Variants in SGCD observed in about 807,000 individuals in gnomAD.
The protein encoded by SGCD is delta-sarcoglycan.
A neutral mutation model predicts 36.6 loss-of-function variants in SGCD; 18 were observed. The ratio of observed to expected loss-of-function variants is 0.49; its 90% CI spans 0.34 to 0.73. The LOEUF is 0.73. Among genes scored for constraint, SGCD ranks in the 30% least tolerant of loss-of-function variants. The pLI, the probability that SGCD is intolerant of heterozygous loss-of-function variation, is 0.01. For missense variants in SGCD, 387 were observed against 346.7 expected (o/e 1.12, Z -0.92); for synonymous variants, 133 against 130.6 (o/e 1.02, Z -0.12).
intron 6 of SGCD, among the ~76,000 whole-genome samples, chr5:156,607,423 T>C (rs938111265): frequency 7.9e-5 from 12 of 152,218 alleles, no homozygotes; most frequent in African/African-American, 2.9e-4. Flanking sequence ...ATAAGCTTTT[T>C]GATGTGCTGC....
rs1230716366 is a variant in SGCD, at chr5:156,344,621, A to G, written c.136A>G (p.Ile46Val). Residue 46 changes from isoleucine to valine, a missense_variant, in exon 3 of 9, where the codon ATA becomes GTA. By Grantham distance (29) the Ile-to-Val change is conservative. Coordinates refer to ENST00000337851, the MANE Select transcript of SGCD (RefSeq NM_000337.6). ...CTTTGTCCTGCTCCTCATGATTTTA[A>G]TACTGGTGAACTTGGCCATGACCAT... ...YFFVLLLMILILVNLAMTIWI... is the reference protein window; with the variant it reads ...YFFVLLLMILVLVNLAMTIWI... 3 of 1,611,960 alleles carry G rather than the reference A, an allele frequency of 1.9e-6. No homozygotes were observed. The African/African-American group carries it at 4.0e-5, about 22-fold the overall frequency.
At chr5:156,069,307 G>A (rs1388232942) in intron 1 of SGCD, among the ~76,000 whole-genome samples, 3 of 152,104 alleles carry the variant, frequency 2.0e-5, no homozygotes, top group African/African-American at 7.3e-5. Flanking sequence ...TGTATAAGGT[G>A]TAGGGAAGGG....
intron 3 of SGCD, among the ~76,000 whole-genome samples, chr5:156,227,424 T>C (rs867233309): frequency 9.9e-5 from 15 of 152,164 alleles, no homozygotes; most frequent in African/African-American, 3.6e-4. Context: ...TATTTGGGTT[T>C]ATTTCTGGGT....
chr5:155,954,905 C>T (rs1287297591), intron 1 of SGCD, among the ~76,000 whole-genome samples: 1 of 152,106 alleles, frequency 6.6e-6, no homozygotes, highest in Non-Finnish European at 1.5e-5. Context: ...GCCTGAGAGC[C>T]AGAAGAGCCA....
At chr5:156,344,715 G>T (rs770199960) in intron 3 of SGCD, 38 bp downstream of exon 3, 13 of 1,491,478 alleles carry the variant, frequency 8.7e-6, no homozygotes, top group Non-Finnish European at 1.2e-5. Flanking sequence ...GCTTTCTTCC[G>T]GGAGGGGAAG....
the SGCD span, among the ~76,000 whole-genome samples, chr5:155,786,518 T>C: frequency 6.6e-6 from 1 of 151,954 alleles, no homozygotes; most frequent in Non-Finnish European, 1.5e-5. Context: ...TAAAAAAAAG[T>C]TTGGGACACA....
intron 3 of SGCD, among the ~76,000 whole-genome samples, chr5:156,234,637 C>T (rs1489455616): frequency 3.3e-5 from 5 of 152,176 alleles, no homozygotes; most frequent in South Asian, 4.1e-4. Flanking sequence ...TCACAGCACT[C>T]GATTCTACTT....
intron 1 of SGCD, among the ~76,000 whole-genome samples, chr5:155,871,668 G>C (rs556692382): frequency 6.6e-6 from 1 of 152,232 alleles, no homozygotes; most frequent in Admixed American, 6.5e-5. Context: ...TTATGGAGGG[G>C]AGACTGAAAG....
chr5:156,751,337 A>T (rs753036675), intron 7 of SGCD, among the ~76,000 whole-genome samples: 2 of 152,224 alleles, frequency 1.3e-5, no homozygotes, highest in African/African-American at 4.8e-5. Context: ...AATTAGAGAC[A>T]TAATGAAAAA....
chr5:156,395,121 A>G (rs958794249), intron 3 of SGCD, among the ~76,000 whole-genome samples: 1 of 152,176 alleles, frequency 6.6e-6, no homozygotes, highest in African/African-American at 2.4e-5. Context: ...AGCAAGGGCT[A>G]TTTATTCTGA....
At chr5:155,847,793 G>A in the SGCD span, among the ~76,000 whole-genome samples, 2 of 152,186 alleles carry the variant, frequency 1.3e-5, no homozygotes, top group Non-Finnish European at 2.9e-5. Context: ...AGCCATTTTA[G>A]CTCAGGCCAC....
chr5:156,459,186 A>G (rs1754378776), intron 3 of SGCD, among the ~76,000 whole-genome samples: 2 of 152,000 alleles, frequency 1.3e-5, no homozygotes, highest in African/African-American at 4.8e-5. Context: ...CCTCCACTTT[A>G]TAAGTACATA....
At chr5:156,615,590 A>C (rs1341433344) in intron 6 of SGCD, among the ~76,000 whole-genome samples, 1 of 152,166 alleles carries the variant, frequency 6.6e-6, no homozygotes, top group African/African-American at 2.4e-5. Flanking sequence ...GAGTGTTCTT[A>C]GTGATGTTCA....
In SGCD at chr5:155,911,325, A is replaced by G. The variant is rs745734918; in HGVS notation, c.-282+40901A>G. On this transcript the variant is annotated intron_variant, in intron 1 of 9. Coordinates refer to the SGCD transcript ENST00000517913. ...TGTGTGTGTGTGTGTGTGTGTATATATATATATATATTTCCCCCAGAATAA... is the reference window on the plus strand; with the variant it reads ...TGTGTGTGTGTGTGTGTGTGTATATGTATATATATATTTCCCCCAGAATAA... 2.4e-3 allele frequency among the ~76,000 whole-genome samples: 343 copies of G among 140,866 alleles called. 1 individual carries two copies. The highest frequency in any genetic ancestry group is 2.9e-3 in the Admixed American group (41 of 14,206). The allele number at this position is 140,866 out of a possible 152,430, so 92.4% of individuals were successfully genotyped here.
At chr5:156,132,456 G>GTATTTTT (rs1561532851) in intron 3 of SGCD, among the ~76,000 whole-genome samples, 1 of 73,586 alleles carries the variant, frequency 1.4e-5, no homozygotes, top group Non-Finnish European at 2.7e-5. Flanking sequence ...AACTTACCAA[G>GTATTTTT]TCTTTTTTTT....
At chr5:156,111,107 AAAG>A (rs1216895887) in intron 1 of SGCD, among the ~76,000 whole-genome samples, 1 of 152,194 alleles carries the variant, frequency 6.6e-6, no homozygotes, top group Admixed American at 6.5e-5. Context: ...GAATGAGAAA[AAAG>A]AAGAGAGGAG....
intron 7 of SGCD, among the ~76,000 whole-genome samples, chr5:156,674,360 T>G (rs1753425968): frequency 6.6e-6 from 1 of 152,192 alleles, no homozygotes; most frequent in Admixed American, 6.6e-5. Flanking sequence ...AAAGGCATAA[T>G]CCCCCGTCTT....
intron 4 of SGCD, among the ~76,000 whole-genome samples, chr5:156,517,073 T>C (rs1304100069): frequency 6.6e-6 from 1 of 152,132 alleles, no homozygotes; most frequent in African/African-American, 2.4e-5. Flanking sequence ...TCTAACCCAG[T>C]GCAAGGAAGC....
chr5:156,503,342 TG>T, intron 3 of SGCD, among the ~76,000 whole-genome samples: 1 of 152,140 alleles, frequency 6.6e-6, no homozygotes, highest in Non-Finnish European at 1.5e-5. Flanking sequence ...TGATTATGTC[TG>T]GGGGTGGGTG....
Sources: gnomAD v4.1 joint callset for allele counts (sites outside exome capture counted in the v4.1 genomes callset) on GRCh38, gnomAD v4.1.1 for gene constraint, MANE v1.5 for transcripts, NCBI Gene and HGNC (gene_info 2026-07-23, HGNC 2026-07-21) for gene names.